Variants in LRFN2 observed in about 807,000 individuals in gnomAD.
LRFN2 encodes the protein leucine rich repeat and fibronectin type III domain containing 2.
A neutral mutation model predicts 37.3 loss-of-function variants in LRFN2; 18 were observed. The observed-to-expected ratio is 0.48, with a 90% CI of 0.33 to 0.72. The LOEUF (loss-of-function observed/expected upper bound fraction) is 0.72. Ranked by LOEUF, LRFN2 falls within the 30% of genes least tolerant of loss-of-function variation. The pLI, the probability that LRFN2 is intolerant of heterozygous loss-of-function variation, is 0.02. For synonymous variants in LRFN2, 556 were observed against 466.6 expected, an observed-to-expected ratio of 1.19 and a Z score of -2.47; for missense variants, 1,006 against 1,060.7, an observed-to-expected ratio of 0.95 and a Z score of 0.72.
At chr6:40,420,960 G>A (rs1763215019) in intron 2 of LRFN2, among the ~76,000 whole-genome samples, 3 of 152,228 alleles carry the variant, frequency 2.0e-5, no homozygotes, top group African/African-American at 7.2e-5. Flanking sequence ...GCCCCTGGGA[G>A]TGAGCATAGA....
Position 40,392,623 on chromosome 6 carries a change from C to T in LRFN2, c.1690G>A (p.Ala564Thr), listed in dbSNP as rs746163643. Reference sequence around the variant, plus strand: ...ACGGCCGCTGCCATCTTGCTGGGGGCCTCGTGGTTGCAGACCTTGTAGCGC... The same window carrying T: ...ACGGCCGCTGCCATCTTGCTGGGGGTCTCGTGGTTGCAGACCTTGTAGCGC... ...MVRYKVCNHE[A>T]PSKMAAAVSN... Residue 564 changes from alanine to threonine, a missense_variant, in exon 3 of 3, where the codon GCC becomes ACC. By Grantham distance (58) the Ala-to-Thr change is moderately conservative (BLOSUM62 0). This residue lies in a region of LRFN2 where 398 missense variants were observed against 327.6 expected (regional missense o/e 1.21). Coordinates refer to ENST00000338305, the MANE Select transcript of LRFN2 (RefSeq NM_020737.3). This position sits in a 1 kb window ranked among gnomAD's most constrained non-coding sequence, Gnocchi z 4.7. 6.2e-7 allele frequency: 1 copy of T among 1,611,106 alleles called. No homozygotes were observed. The highest frequency in any genetic ancestry group is 1.7e-5 in the Admixed American group (1 of 60,032).
rs1330493513 is a variant in LRFN2 at position 40,432,673 on chromosome 6, G to A, written c.441C>T (p.Phe147=). The A allele has an allele frequency of 6.8e-6, 11 of 1,614,062 alleles. No individual in the cohort carries two copies. Among genetic ancestry groups the A allele is most frequent in the Non-Finnish European group, 7.6e-6 (9 of 1,180,060 alleles). Residue 147 remains phenylalanine (F), a synonymous_variant, in exon 2 of 3, where the codon TTC becomes TTT. Transcript: ENST00000338305. ...GGIADEAFED[F]LLTLEDLDLS... is the part of the protein sequence containing the mutation. ...GGTCCAGATCCTCCAATGTCAGCAG[G>A]AAGTCCTCAAAAGCCTCATCTGCGA...
At chr6:40,568,258 G>T (rs1319309261) in intron 1 of LRFN2, among the ~76,000 whole-genome samples, 5 of 152,342 alleles carry the variant, frequency 3.3e-5, no homozygotes, top group African/African-American at 1.2e-4. Context: ...ATGCAGTTAA[G>T]ATACATGTGG....
chr6:40,550,143 C>T lies in LRFN2; in HGVS notation c.-19+36798G>A, dbSNP rs560074258. On this transcript the variant is annotated intron_variant, in intron 1 of 2. Coordinates refer to ENST00000338305, the MANE Select transcript of LRFN2 (RefSeq NM_020737.3). ...AGCTGCGGCACAGCCAGTAAGCAAA[C>T]GGCAGTGGTAATGCCCTATCCTAAG... is the stretch of plus-strand genomic sequence containing the variant. Among the ~76,000 whole-genome samples the T allele has an allele frequency of 6.6e-5, 10 of 152,282 alleles. No homozygotes were observed. In the South Asian group the frequency reaches 8.3e-4, roughly 13 times the overall value.
chr6:40,466,622 A>G (rs1213654837), intron 1 of LRFN2, among the ~76,000 whole-genome samples: 1 of 152,130 alleles, frequency 6.6e-6, no homozygotes, highest in Non-Finnish European at 1.5e-5. Context: ...TGGACCTAGC[A>G]TGAGATTTAG....
At chr6:40,554,701 C>T (rs753776945) in intron 1 of LRFN2, among the ~76,000 whole-genome samples, 3 of 152,114 alleles carry the variant, frequency 2.0e-5, no homozygotes, top group Non-Finnish European at 4.4e-5. Context: ...AACTGAGACC[C>T]AAGGAGGCCC....
chr6:40,477,652 C>T (rs1764738392), intron 1 of LRFN2, among the ~76,000 whole-genome samples: 1 of 152,164 alleles, frequency 6.6e-6, no homozygotes, highest in African/African-American at 2.4e-5. Flanking sequence ...GCTCCATTTC[C>T]CTCAGTAACA....
intron 1 of LRFN2, among the ~76,000 whole-genome samples, chr6:40,547,870 C>G (rs1160509925): frequency 1.3e-5 from 2 of 152,160 alleles, no homozygotes; most frequent in African/African-American, 4.8e-5. Context: ...GTGTTACCAG[C>G]CCCAGGGTAT....
chr6:40,411,496 G>A (rs541528360), intron 2 of LRFN2, among the ~76,000 whole-genome samples: 1 of 152,210 alleles, frequency 6.6e-6, no homozygotes, highest in African/African-American at 2.4e-5. Flanking sequence ...GTGAACACTC[G>A]AATCAGCGTC....
chr6:40,518,138 T>C (rs1025196494), intron 1 of LRFN2, among the ~76,000 whole-genome samples: 3 of 152,208 alleles, frequency 2.0e-5, no homozygotes, highest in Admixed American at 6.5e-5. Flanking sequence ...CTCAGTTTCT[T>C]CACTGTCAAA....
At chr6:40,540,070 TGCA>T (rs1305648393) in intron 1 of LRFN2, among the ~76,000 whole-genome samples, 4 of 152,092 alleles carry the variant, frequency 2.6e-5, no homozygotes, top group Non-Finnish European at 5.9e-5. Context: ...AGGCCATGGA[TGCA>T]GTAGTTGAGA....
chr6:40,421,765 G>A (rs920378005), intron 2 of LRFN2, among the ~76,000 whole-genome samples: 18 of 152,170 alleles, frequency 1.2e-4, no homozygotes, highest in Non-Finnish European at 2.9e-5. Context: ...GAATGGAGGG[G>A]TTCATTCAAT....
intron 1 of LRFN2, among the ~76,000 whole-genome samples, chr6:40,579,384 T>C (rs1036482135): frequency 1.3e-5 from 2 of 152,076 alleles, no homozygotes; most frequent in Non-Finnish European, 2.9e-5. Context: ...TGACCCCAAA[T>C]CTCTTCATCC....
chr6:40,511,471 C>A (rs991924012), intron 1 of LRFN2, among the ~76,000 whole-genome samples: 2 of 152,098 alleles, frequency 1.3e-5, no homozygotes, highest in Non-Finnish European at 2.9e-5. Flanking sequence ...GAAGTAGGGG[C>A]AGTGGGAGGG....
At chr6:40,434,850 G>A (rs1201983256) in intron 1 of LRFN2, among the ~76,000 whole-genome samples, 3 of 151,606 alleles carry the variant, frequency 2.0e-5, no homozygotes, top group Non-Finnish European at 4.4e-5. Flanking sequence ...AGGTGGGGAA[G>A]CATTGCCTAC....
chr6:40,444,440 G>T (rs188377105), intron 1 of LRFN2, among the ~76,000 whole-genome samples: 1 of 152,292 alleles, frequency 6.6e-6, no homozygotes, highest in Middle Eastern at 3.4e-3. Flanking sequence ...GATAAAAGCC[G>T]CTGTTGCCAC....
At chr6:40,538,112 C>A (rs903555622) in intron 1 of LRFN2, among the ~76,000 whole-genome samples, 1 of 152,188 alleles carries the variant, frequency 6.6e-6, no homozygotes, top group African/African-American at 2.4e-5. Flanking sequence ...TCTCTCTTTG[C>A]TATTCTGAGA....
At chr6:40,414,715 A>G (rs1270275556) in intron 2 of LRFN2, among the ~76,000 whole-genome samples, 1 of 152,252 alleles carries the variant, frequency 6.6e-6, no homozygotes, top group African/African-American at 2.4e-5. Context: ...AAAATCAATA[A>G]AAAGGCTTGA....
At chr6:40,415,752 C>T (rs2113809296) in intron 2 of LRFN2, among the ~76,000 whole-genome samples, 1 of 152,282 alleles carries the variant, frequency 6.6e-6, no homozygotes, top group African/African-American at 2.4e-5. Context: ...GCTGCCCTTC[C>T]CATGTGTGGC....
Sources: allele counts gnomAD v4.1 joint callset (sites outside exome capture counted in the v4.1 genomes callset), GRCh38; gene constraint gnomAD v4.1.1; regional missense constraint gnomAD v4.1.1; non-coding constraint Gnocchi (gnomAD v3.1); transcripts MANE v1.5; gene names NCBI Gene and HGNC (gene_info 2026-07-23, HGNC 2026-07-21).